The following DLG2 variants were observed in gnomAD, a reference collection of about 807,000 sequenced individuals.
The protein encoded by DLG2 is disks large homolog 2.
In DLG2, 45 loss-of-function variants were observed where a neutral mutation model predicts 132.5. The observed-to-expected ratio is 0.34, with a 90% CI of 0.27 to 0.44. The LOEUF is 0.44. DLG2 is among the 20% of genes least tolerant of loss of function. The pLI, the probability that DLG2 is intolerant of heterozygous loss-of-function variation, is 1.00. For synonymous variants in DLG2, 424 were observed against 419.6 expected, an observed-to-expected ratio of 1.01 and a Z score of -0.13; for missense variants, 1,045 against 1,196.9, an observed-to-expected ratio of 0.87 and a Z score of 1.87.
chr11:84,875,268 T>C (rs1459470880), intron 6 of DLG2, among the ~76,000 whole-genome samples: 1 of 152,162 alleles, frequency 6.6e-6, no homozygotes, highest in African/African-American at 2.4e-5. Context: ...CAGTTGGATA[T>C]ATAGGTTAAG....
At chr11:85,114,281 C>T (rs1403107830) in intron 5 of DLG2, among the ~76,000 whole-genome samples, 1 of 152,060 alleles carries the variant, frequency 6.6e-6, no homozygotes, top group Admixed American at 6.6e-5. Flanking sequence ...AGAAGCCCAG[C>T]TAGAACCAGA....
chr11:85,034,599 G>C (rs1176318378), intron 6 of DLG2, among the ~76,000 whole-genome samples: 3 of 152,164 alleles, frequency 2.0e-5, no homozygotes, highest in African/African-American at 7.2e-5. Context: ...CATAAGAACT[G>C]AGAGTAGTTT....
chr11:83,543,637 TTGCTGTA>T (rs1565724869), intron 19 of DLG2, among the ~76,000 whole-genome samples: 1 of 152,056 alleles, frequency 6.6e-6, no homozygotes, highest in Non-Finnish European at 1.5e-5. Context: ...CATTATGGAG[TTGCTGTA>T]TGGGTAAAAT....
At chr11:83,547,103 A>G (rs374159521) in intron 19 of DLG2, among the ~76,000 whole-genome samples, 2 of 152,146 alleles carry the variant, frequency 1.3e-5, no homozygotes, top group East Asian at 3.9e-4. Context: ...CATGGACCTT[A>G]AAAGTATTGG....
chr11:84,349,700 AG>A (rs2098554101), intron 7 of DLG2, among the ~76,000 whole-genome samples: 1 of 152,180 alleles, frequency 6.6e-6, no homozygotes, highest in South Asian at 2.1e-4. Context: ...AACTAACAAA[AG>A]GCCCTACTAA....
At chr11:85,189,752 T>TAAAAC in intron 4 of DLG2, among the ~76,000 whole-genome samples, 1 of 152,076 alleles carries the variant, frequency 6.6e-6, no homozygotes, top group Non-Finnish European at 1.5e-5. Context: ...TAAAATAAAA[T>TAAAAC]AAAACCAAGA....
At chr11:84,420,274 C>T (rs1004928297) in intron 7 of DLG2, among the ~76,000 whole-genome samples, 1 of 152,248 alleles carries the variant, frequency 6.6e-6, no homozygotes, top group East Asian at 1.9e-4. Flanking sequence ...CTGCAAGAGC[C>T]GCACTTTATG....
At chr11:83,476,579 C>T (rs1158419013) in intron 22 of DLG2, among the ~76,000 whole-genome samples, 2 of 152,052 alleles carry the variant, frequency 1.3e-5, no homozygotes, top group East Asian at 1.9e-4. Context: ...TACGTACAGT[C>T]CTTAAAATCA....
Position 84,587,352 on chromosome 11 carries a change from G to A in DLG2, c.358-52621C>T, listed in dbSNP as rs978772206. 4.6e-5 allele frequency among the ~76,000 whole-genome samples: 7 copies of A among 152,060 alleles called. No homozygotes were observed. In the East Asian group the frequency reaches 1.2e-3, roughly 25 times the overall value. On this transcript the variant is annotated intron_variant, in intron 6 of 27. Transcript: ENST00000376104. ...CTTCTGATGAAAAGAAGGTACCCAA[G>A]ACTGCTCTCATTCCATCATTATATC... is the stretch of plus-strand genomic sequence containing the variant.
rs1263819906 is a variant in DLG2, at chr11:84,165,961, C to T, written c.574-2450G>A. Among the ~76,000 whole-genome samples the T allele has an allele frequency of 2.6e-5, 4 of 152,066 alleles. No individual in the cohort carries two copies. In the East Asian group the frequency reaches 5.8e-4, roughly 22 times the overall value. ...GCATCCCATGTCTACAACAAGCTTT[C>T]GTGAACTCGTAGAAGCATGAAGGAT... On this transcript the variant is annotated intron_variant, in intron 8 of 27. Transcript: ENST00000376104.
chr11:84,390,716 G>C (rs2098789766), intron 7 of DLG2, among the ~76,000 whole-genome samples: 1 of 152,098 alleles, frequency 6.6e-6, no homozygotes, highest in African/African-American at 2.4e-5. Flanking sequence ...TTCCACTGTG[G>C]GGAATTTATT....
chr11:83,896,663 G>A (rs992325294), intron 15 of DLG2, among the ~76,000 whole-genome samples: 18 of 152,158 alleles, frequency 1.2e-4, no homozygotes, highest in African/African-American at 3.6e-4. Context: ...AGAGAAAATA[G>A]TTTAGTGGTT....
At chr11:83,598,226 C>T (rs1855976803) in intron 19 of DLG2, among the ~76,000 whole-genome samples, 1 of 152,218 alleles carries the variant, frequency 6.6e-6, no homozygotes. Context: ...ATACTTTTCT[C>T]AGCTCCACGC....
chr11:83,837,394 C>T (rs1338177211), intron 16 of DLG2, among the ~76,000 whole-genome samples: 3 of 152,116 alleles, frequency 2.0e-5, no homozygotes, highest in Non-Finnish European at 2.9e-5. Context: ...GATGGAAATT[C>T]AGTTCTTGTT....
chr11:85,396,827 G>A (rs975620474), intron 3 of DLG2, among the ~76,000 whole-genome samples: 2 of 152,208 alleles, frequency 1.3e-5, no homozygotes, highest in Non-Finnish European at 1.5e-5. Flanking sequence ...GTGATGCGGA[G>A]AATTGAACCA....
intron 19 of DLG2, among the ~76,000 whole-genome samples, chr11:83,608,846 G>T (rs920065002): frequency 6.6e-6 from 1 of 152,090 alleles, no homozygotes; most frequent in Non-Finnish European, 1.5e-5. Context: ...GCAGGCTAAT[G>T]AATGAACTGC....
At chr11:84,341,024 G>A (rs2098511998) in intron 7 of DLG2, among the ~76,000 whole-genome samples, 1 of 152,114 alleles carries the variant, frequency 6.6e-6, no homozygotes, top group South Asian at 2.1e-4. Flanking sequence ...AAGGCTAAGG[G>A]AAATCCAACA....
intron 9 of DLG2, among the ~76,000 whole-genome samples, chr11:84,128,633 A>C (rs1405553585): frequency 6.6e-6 from 1 of 152,066 alleles, no homozygotes; most frequent in Non-Finnish European, 1.5e-5. Context: ...ATTGGGATTG[A>C]CTTTAATATA....
intron 9 of DLG2, among the ~76,000 whole-genome samples, chr11:84,102,390 G>C (rs1423078461): frequency 1.3e-5 from 2 of 152,064 alleles, no homozygotes; most frequent in African/African-American, 4.8e-5. Context: ...TACTGAGAAT[G>C]TTTGTGCCCT....
Sources: gnomAD v4.1 joint callset for allele counts (sites outside exome capture counted in the v4.1 genomes callset) on GRCh38, gnomAD v4.1.1 for gene constraint, MANE v1.5 for transcripts, NCBI Gene and HGNC (gene_info 2026-07-23, HGNC 2026-07-21) for gene names.